DOCK8: variants seen among roughly 807,000 people sequenced by gnomAD.
DOCK8 encodes dedicator of cytokinesis 8, also known as dedicator of cytokinesis protein 8.
DOCK8 carries 141 observed loss-of-function variants against 245.6 expected under a neutral mutation model. That is an observed-to-expected ratio of 0.57 (90% CI 0.50 to 0.66). The LOEUF is 0.66. DOCK8 is among the 30% of genes least tolerant of loss of function. DOCK8 has a pLI of 0.00. For missense variants in DOCK8, 2,965 were observed against 2,603.4 expected (o/e 1.14, Z -3.02); for synonymous variants, 1,168 against 970.2 (o/e 1.20, Z -3.79).
chr9:289,535 G>T lies in DOCK8; in HGVS notation c.358G>T (p.Asp120Tyr). ...GGTTGAACTGGACCCTCATGTCAGGGACTGTGTTCAGACCTACATCCGTGA... is the reference window on the plus strand; with the variant it reads ...GGTTGAACTGGACCCTCATGTCAGGTACTGTGTTCAGACCTACATCCGTGA... The part of the protein sequence containing the change: ...EGVELDPHVR[D>Y]CVQTYIREWL... The change falls in exon 4 of 48, where the codon GAC becomes TAC. Residue 120 changes from aspartate (D) to tyrosine (Y), a missense_variant. Around this residue, in one of 3 missense-constraint regions of DOCK8, gnomAD observed 2,825 missense variants for 2,453.5 expected, o/e 1.15. Coordinates refer to ENST00000432829, the MANE Select transcript of DOCK8 (RefSeq NM_203447.4). 2 of 1,613,568 alleles carry T rather than the reference G, an allele frequency of 1.2e-6. No individual in the cohort carries two copies. The highest frequency in any genetic ancestry group is 1.7e-6 in the Non-Finnish European group (2 of 1,179,678).
In DOCK8 at chr9:367,326, C is replaced by T. The variant is rs1017810224; in HGVS notation, c.1680-692C>T. ...AGGCACTGTTCTAGTGCTGGAGATACATCAGTGAATCAAAAACATGAGAGA... is the reference window on the plus strand; with the variant it reads ...AGGCACTGTTCTAGTGCTGGAGATATATCAGTGAATCAAAAACATGAGAGA... On this transcript the variant is annotated intron_variant, in intron 14 of 47. Transcript: ENST00000432829. 2.0e-5 allele frequency among the ~76,000 whole-genome samples: 3 copies of T among 152,320 alleles called. No individual in the cohort carries two copies. In the East Asian group the frequency reaches 5.8e-4, roughly 29 times the overall value.
At chr9:415,769 A>C (rs1586965734) in intron 29 of DOCK8, among the ~76,000 whole-genome samples, 2 of 152,200 alleles carry the variant, frequency 1.3e-5, no homozygotes, top group East Asian at 3.9e-4. Context: ...AGTTTTGGAA[A>C]TGTCCATGCT....
chr9:333,461 C>T (rs558643813), intron 10 of DOCK8, among the ~76,000 whole-genome samples: 17 of 152,210 alleles, frequency 1.1e-4, no homozygotes, highest in Middle Eastern at 6.8e-3. Context: ...ATTAGCCGGG[C>T]ATGGTGGCAC....
chr9:334,023 A>T (rs555564014), intron 10 of DOCK8, among the ~76,000 whole-genome samples: 1 of 142,758 alleles, frequency 7.0e-6, no homozygotes, highest in African/African-American at 2.6e-5. Context: ...CTCGTTTTTT[A>T]ATCTTTATTT....
intron 14 of DOCK8, among the ~76,000 whole-genome samples, chr9:357,534 T>G (rs750844734): frequency 1.2e-4 from 19 of 152,210 alleles, no homozygotes; most frequent in Non-Finnish European, 2.8e-4. Context: ...TACAAAATCA[T>G]AGAGAAAGAA....
At chr9:431,567 G>T (rs1202751357) in intron 36 of DOCK8, among the ~76,000 whole-genome samples, 1 of 152,114 alleles carries the variant, frequency 6.6e-6, no homozygotes, top group Non-Finnish European at 1.5e-5. Context: ...GGAGTGCAGT[G>T]GCGAGATCTT....
chr9:433,978 A>G lies in DOCK8; in HGVS notation c.4886+3A>G, dbSNP rs2360712. On this transcript the variant is annotated splice_donor_region_variant and intron_variant, in intron 38 of 47. Coordinates refer to ENST00000432829, the MANE Select transcript of DOCK8 (RefSeq NM_203447.4). ...ATGCTTATGGATCTCATGTACAGGT[A>G]AGCTTTCCTGACACACTCAAGGGAC... is the stretch of plus-strand genomic sequence containing the variant. The G allele has an allele frequency of 0.76, 1,214,670 of 1,607,664 alleles. 463,525 individuals are homozygous for G. Among genetic ancestry groups the G allele is most frequent in the East Asian group, 0.98 (44,010 of 44,870 alleles).
intron 15 of DOCK8, chr9:369,694 T>A (rs2053191318): frequency 6.1e-6 from 1 of 164,252 alleles, no homozygotes; most frequent in Non-Finnish European, 1.3e-5. Context: ...GGTTTTCTAA[T>A]CTCACAAACA....
intron 30 of DOCK8, among the ~76,000 whole-genome samples, chr9:419,146 C>G (rs1321512165): frequency 6.6e-6 from 1 of 152,216 alleles, no homozygotes; most frequent in East Asian, 1.9e-4. Context: ...TTTACTTTCA[C>G]ATTTCAATGT....
At chr9:303,878 A>G (rs2049679135) in intron 4 of DOCK8, among the ~76,000 whole-genome samples, 1 of 152,240 alleles carries the variant, frequency 6.6e-6, no homozygotes, top group Non-Finnish European at 1.5e-5. Flanking sequence ...TTGACTTTGT[A>G]ACATGTTTTC....
intron 11 of DOCK8, 29 bp from the exon 12 acceptor site, chr9:336,553 C>T (rs1352930741): frequency 1.2e-6 from 2 of 1,614,072 alleles, no homozygotes; most frequent in Admixed American, 1.7e-5. Flanking sequence ...GAAAGGCATA[C>T]TTTGGAGTGA....
chr9:408,591 A>T (rs780904680), intron 28 of DOCK8, among the ~76,000 whole-genome samples: 12 of 152,242 alleles, frequency 7.9e-5, no homozygotes, highest in Non-Finnish European at 1.5e-4. Context: ...AGAAAGTTTG[A>T]ACACAAAGAA....
intron 1 of DOCK8, among the ~76,000 whole-genome samples, chr9:241,972 A>C (rs920014364): frequency 6.6e-6 from 1 of 152,190 alleles, no homozygotes; most frequent in Non-Finnish European, 1.5e-5. Flanking sequence ...TTAGGTATCA[A>C]CTGTTTCTCC....
chr9:360,102 G>A (rs2131104032), intron 14 of DOCK8, among the ~76,000 whole-genome samples: 1 of 152,054 alleles, frequency 6.6e-6, no homozygotes, highest in South Asian at 2.1e-4. Flanking sequence ...GATCACTTGA[G>A]GTCAGGAGTT....
At chr9:370,190 A>G (rs2053220577) in intron 15 of DOCK8, 40 bp from the exon 16 acceptor site, 1 of 1,539,246 alleles carries the variant, frequency 6.5e-7, no homozygotes. Flanking sequence ...ATGTACCCAA[A>G]TGTTACTGAT....
chr9:256,443 A>C (rs980978549), intron 1 of DOCK8, among the ~76,000 whole-genome samples: 11 of 152,190 alleles, frequency 7.2e-5, no homozygotes, highest in Non-Finnish European at 8.8e-5. Flanking sequence ...CTATAAAATG[A>C]GGGTAGTACT....
At chr9:328,234 A>G (rs2050852223) in intron 9 of DOCK8, 63 bp downstream of exon 9, 6 of 1,551,192 alleles carry the variant, frequency 3.9e-6, no homozygotes, top group East Asian at 2.4e-5. Context: ...TTCCCAGCAC[A>G]TGTTTGGGGT....
chr9:455,951 A>G (rs563343432), intron 46 of DOCK8, among the ~76,000 whole-genome samples: 7 of 152,324 alleles, frequency 4.6e-5, no homozygotes, highest in African/African-American at 1.7e-4. Context: ...ACTTTGTGCC[A>G]GGCACTGTGC....
Position 307,525 on chromosome 9 carries a change from A to G in DOCK8, c.528+2821A>G, listed in dbSNP as rs184882189. On this transcript the variant is annotated intron_variant, in intron 5 of 47. Coordinates refer to ENST00000432829, the MANE Select transcript of DOCK8 (RefSeq NM_203447.4). ...AGACATGCGCCACCACGCCTGGCCA[A>G]TTGTGTATTTTTAGTAGAGACAGGG... Among the ~76,000 whole-genome samples, 433 of 151,748 alleles carry G rather than the reference A, an allele frequency of 2.9e-3. 6 individuals are homozygous for G. Among genetic ancestry groups the G allele is most frequent in the African/African-American group, 0.01 (415 of 41,358 alleles).
Sources: gnomAD v4.1 joint callset for allele counts (sites outside exome capture counted in the v4.1 genomes callset) on GRCh38, gnomAD v4.1.1 for gene constraint, gnomAD v4.1.1 regional missense constraint, MANE v1.5 for transcripts, NCBI Gene and HGNC (gene_info 2026-07-23, HGNC 2026-07-21) for gene names.